IKZF4: variants seen among roughly 807,000 people sequenced by gnomAD.
IKZF4 encodes the protein zinc finger protein Eos.
In IKZF4, 11 loss-of-function variants were observed where a neutral mutation model predicts 47.7. That is an observed-to-expected ratio of 0.23 (90% CI 0.15 to 0.38). IKZF4 has a LOEUF of 0.38. Ranked by LOEUF, IKZF4 falls within the 10% of genes least tolerant of loss-of-function variation. IKZF4 has a pLI of 1.00. For missense variants in IKZF4, 557 were observed against 784.9 expected, an observed-to-expected ratio of 0.71 and a Z score of 3.47; for synonymous variants, 298 against 299.4, an observed-to-expected ratio of 1.00 and a Z score of 0.05.
At chr12:56,012,337 C>T (rs1195793561) in intron 2 of IKZF4, among the ~76,000 whole-genome samples, 2 of 150,754 alleles carry the variant, frequency 1.3e-5, no homozygotes, top group Non-Finnish European at 3.0e-5. Flanking sequence ...TGCAATGGCC[C>T]GATCTCGGCT....
chr12:56,025,694 G>T (rs892143199), intron 3 of IKZF4, among the ~76,000 whole-genome samples: 1 of 152,122 alleles, frequency 6.6e-6, no homozygotes, highest in Non-Finnish European at 1.5e-5. Flanking sequence ...GGAGGTGGAG[G>T]GGGTAGAGGG....
chr12:56,014,814 G>A (rs535371546), intron 2 of IKZF4, among the ~76,000 whole-genome samples: 2 of 152,156 alleles, frequency 1.3e-5, no homozygotes, highest in Non-Finnish European at 2.9e-5. Flanking sequence ...AAAAAAAACA[G>A]GGAAAAGCAA....
chr12:56,018,955 C>T (rs1468236338), upstream of IKZF4, among the ~76,000 whole-genome samples: 1 of 152,190 alleles, frequency 6.6e-6, no homozygotes, highest in Non-Finnish European at 1.5e-5. Context: ...ACGTGGCTCA[C>T]GCCTGTAATC....
At chr12:56,019,642 A>G (rs1387976349), upstream of IKZF4, among the ~76,000 whole-genome samples, 1 of 152,224 alleles carries the variant, frequency 6.6e-6, no homozygotes, top group African/African-American at 2.4e-5. Context: ...CTGAGCAACA[A>G]GTACACTTGG....
chr12:56,025,039 G>A lies in IKZF4; in HGVS notation c.182-15G>A, dbSNP rs554990206. ...CAGCTCCAGCTTTACCTGCCCTCTT[G>A]TTCTCTCCTCCAAGGTAGCGGGGAC... On this transcript the variant is annotated splice_polypyrimidine_tract_variant and intron_variant, in intron 2 of 7. Coordinates refer to ENST00000547167, the MANE Select transcript of IKZF4 (RefSeq NM_022465.4). 5 of 1,568,440 alleles carry A rather than the reference G, an allele frequency of 3.2e-6. No individual in the cohort carries two copies. Among genetic ancestry groups the A allele is most frequent in the South Asian group, 1.2e-5 (1 of 85,220 alleles).
chr12:56,035,062 G>A lies in IKZF4; in HGVS notation c.1489G>A (p.Glu497Lys). 1 of 1,583,818 alleles carries A rather than the reference G, an allele frequency of 6.3e-7. No homozygotes were observed. Reference sequence around the variant, plus strand: ...CCGGCACAGTCCTGCCTACGCCAAAGAGGACCCCAAGCCACAGGAGGGGTT... The same window carrying A: ...CCGGCACAGTCCTGCCTACGCCAAAAAGGACCCCAAGCCACAGGAGGGGTT... Reference protein sequence around the residue: ...VGRHSPAYAKEDPKPQEGLLR... With the variant: ...VGRHSPAYAKKDPKPQEGLLR... The change falls in exon 8 of 8, where the codon GAG becomes AAG. Residue 497 changes from glutamate (E) to lysine (K), a missense_variant. Physicochemically the swap from Glu to Lys is moderately conservative, Grantham distance 56. Around this residue, in one of 6 missense-constraint regions of IKZF4, gnomAD observed 280 missense variants for 314.0 expected, o/e 0.89. Coordinates refer to ENST00000547167, the MANE Select transcript of IKZF4 (RefSeq NM_022465.4). The surrounding 1 kb of genome is among the most constrained non-coding windows in gnomAD (Gnocchi z 6.1).
At chr12:56,026,278 G>GA (rs1893976470) in intron 3 of IKZF4, among the ~76,000 whole-genome samples, 1 of 152,130 alleles carries the variant, frequency 6.6e-6, no homozygotes, top group Non-Finnish European at 1.5e-5. Flanking sequence ...GTGGGTGGGA[G>GA]AAAAGGTTGT....
rs1892847153 is a variant in IKZF4 at position 56,021,151 on chromosome 12, C to G, written c.-343C>G. The G allele has an allele frequency of 7.2e-7, 1 of 1,395,600 alleles. No homozygotes were observed. The highest frequency in any genetic ancestry group is 9.3e-7 in the Non-Finnish European group (1 of 1,075,240). The allele number at this position is 1,395,600 out of a possible 1,614,324, so 86.5% of individuals were successfully genotyped here. A position where few individuals can be genotyped will look rare whatever the true frequency, so the allele number is the denominator to read the frequency against. ...CCCTGTGCACACACCCACCACCCAC[C>G]CCCTTCACTGTCTTGGAAAAGGGAT... On this transcript the variant is annotated 5_prime_UTR_variant, in exon 1 of 8. Coordinates refer to ENST00000547167, the MANE Select transcript of IKZF4 (RefSeq NM_022465.4).
intron 1 of IKZF4, among the ~76,000 whole-genome samples, chr12:56,022,552 C>T (rs961642387): frequency 6.6e-6 from 1 of 152,172 alleles, no homozygotes; most frequent in Non-Finnish European, 1.5e-5. Flanking sequence ...AGTCCCCTCA[C>T]CCCTGAGCTA....
intron 6 of IKZF4, 112 bp from the exon 7 acceptor site, chr12:56,033,078 C>T: frequency 1.5e-6 from 2 of 1,302,802 alleles, no homozygotes; most frequent in South Asian, 2.8e-5. Context: ...TCCCAGGCAA[C>T]TGGTATGTCC....
intron 1 of IKZF4, 151 bp downstream of exon 1, chr12:56,021,731 T>TGTGTGTGTGG (rs1565818003): frequency 9.2e-7 from 1 of 1,083,712 alleles, no homozygotes; most frequent in African/African-American, 1.7e-5. Flanking sequence ...TGTGTGTGTG[T>TGTGTGTGTGG]AGCGGGGGAG....
At chr12:56,012,045 G>T (rs1407174096) in intron 2 of IKZF4, among the ~76,000 whole-genome samples, 1 of 152,040 alleles carries the variant, frequency 6.6e-6, no homozygotes, top group Non-Finnish European at 1.5e-5. Flanking sequence ...CATACCCAAG[G>T]CACATGGGAA....
chr12:56,020,628 C>G (rs1346564133), upstream of IKZF4, among the ~76,000 whole-genome samples: 1 of 152,196 alleles, frequency 6.6e-6, no homozygotes, highest in Non-Finnish European at 1.5e-5. Flanking sequence ...AGGCCTTGTC[C>G]TGATAGAGGG....
rs1379521332 is a variant in IKZF4 at position 56,023,783 on chromosome 12, G to C, written c.181+19G>C. On this transcript the variant is annotated intron_variant, in intron 2 of 7. Transcript: ENST00000547167. ...TGTGAAAGTAAGTATGTGCATAGCTGGGCAATTGGGTAAAGTACTAATAGG... is the reference window on the plus strand; with the variant it reads ...TGTGAAAGTAAGTATGTGCATAGCTCGGCAATTGGGTAAAGTACTAATAGG... 6.2e-7 allele frequency: 1 copy of C among 1,610,616 alleles called. No individual in the cohort carries two copies. Among genetic ancestry groups the C allele is most frequent in the Admixed American group, 1.7e-5 (1 of 59,584 alleles).
In IKZF4 at chr12:56,032,607, C is replaced by T. The variant is rs1167953477; in HGVS notation, c.762C>T (p.Gly254=). 2 of 1,613,974 alleles carry T rather than the reference C, an allele frequency of 1.2e-6. No individual in the cohort carries two copies. The highest frequency in any genetic ancestry group is 1.1e-5 in the South Asian group (1 of 91,076). The part of the protein sequence containing the change: ...VGKPYKCNYC[G]RSYKQQSTLE... ...AGCCCTACAAGTGTAACTACTGTGG[C>T]CGGAGCTACAAACAGCAGAGTACCC... Residue 254 remains glycine, a synonymous_variant, in exon 6 of 8, where the codon GGC becomes GGT. Transcript: ENST00000547167.
chr12:56,029,650 A>G (rs1894587746), intron 5 of IKZF4: 1 of 152,218 alleles, frequency 6.6e-6, no homozygotes, highest in African/African-American at 2.4e-5. Flanking sequence ...GAGAAAGATC[A>G]TCGTTGATAC....
chr12:56,031,418 G>T (rs188131705), intron 5 of IKZF4, among the ~76,000 whole-genome samples: 1 of 152,130 alleles, frequency 6.6e-6, no homozygotes, highest in East Asian at 1.9e-4. Flanking sequence ...AAAAGAAAGC[G>T]GTTGGAGGAT....
chr12:56,023,536 C>A, intron 1 of IKZF4, 135 bp from the exon 2 acceptor site: 1 of 1,090,298 alleles, frequency 9.2e-7, no homozygotes, highest in Non-Finnish European at 1.3e-6. Flanking sequence ...AGCCATAAGG[C>A]TTTTTCTATA....
chr12:56,023,646 G>T (rs751159882), intron 1 of IKZF4, 25 bp from the exon 2 acceptor site: 1 of 1,612,558 alleles, frequency 6.2e-7, no homozygotes, highest in Non-Finnish European at 8.5e-7. Flanking sequence ...GTCCTGAGTG[G>T]TTGTTTTCTT....
Sources: allele counts gnomAD v4.1 joint callset (sites outside exome capture counted in the v4.1 genomes callset), GRCh38; gene constraint gnomAD v4.1.1; regional missense constraint gnomAD v4.1.1; non-coding constraint Gnocchi (gnomAD v3.1); transcripts MANE v1.5; gene names NCBI Gene and HGNC (gene_info 2026-07-23, HGNC 2026-07-21).